The following GMDS variants were observed in gnomAD, a reference collection of about 807,000 sequenced individuals.
The protein encoded by GMDS is GDP-mannose 4,6-dehydratase.
A neutral mutation model predicts 49.9 loss-of-function variants in GMDS; 20 were observed. That is an observed-to-expected ratio of 0.40 (90% CI 0.28 to 0.58). The LOEUF (loss-of-function observed/expected upper bound fraction) is 0.58, where lower values mean the gene tolerates loss of function less well. GMDS is among the 20% of genes least tolerant of loss of function. GMDS has a pLI of 0.42. For missense variants in GMDS, 362 were observed against 481.4 expected (o/e 0.75, Z 2.32); for synonymous variants, 177 against 178.6 (o/e 0.99, Z 0.07).
At chr6:2,130,345 A>G (rs1260538043) in intron 1 of GMDS, among the ~76,000 whole-genome samples, 1 of 152,184 alleles carries the variant, frequency 6.6e-6, no homozygotes, top group Non-Finnish European at 1.5e-5. Context: ...CAAAGAACCA[A>G]CTTTCCCTTC....
At chr6:1,869,079 A>G (rs17134415) in intron 7 of GMDS, among the ~76,000 whole-genome samples, 2,444 of 152,354 alleles carry the variant, frequency 0.016, 69 homozygotes, top group African/African-American at 0.055. Context: ...TATGAGCACC[A>G]TCTTGTCACT....
chr6:2,007,056 C>A (rs1462773649), intron 4 of GMDS, among the ~76,000 whole-genome samples: 1 of 152,118 alleles, frequency 6.6e-6, no homozygotes, highest in Non-Finnish European at 1.5e-5. Context: ...CTTATAAACA[C>A]AATAGAAGAT....
intron 6 of GMDS, among the ~76,000 whole-genome samples, chr6:1,958,787 G>A (rs1763777999): frequency 6.6e-6 from 1 of 152,084 alleles, no homozygotes; most frequent in African/African-American, 2.4e-5. Flanking sequence ...TGGACTTCAC[G>A]TTTATTCTCA....
intron 7 of GMDS, among the ~76,000 whole-genome samples, chr6:1,801,984 T>A (rs1372538845): frequency 6.6e-6 from 1 of 152,234 alleles, no homozygotes; most frequent in Non-Finnish European, 1.5e-5. Flanking sequence ...AAATAGCCAC[T>A]GACCTTAAAA....
intron 4 of GMDS, among the ~76,000 whole-genome samples, chr6:2,035,847 C>G (rs187127082): frequency 1.3e-5 from 2 of 151,928 alleles, no homozygotes; most frequent in African/African-American, 2.4e-5. Context: ...CCACCATGCC[C>G]GGCTAATTTT....
At chr6:1,942,118 C>T (rs1387311254) in intron 6 of GMDS, among the ~76,000 whole-genome samples, 1 of 152,164 alleles carries the variant, frequency 6.6e-6, no homozygotes, top group Non-Finnish European at 1.5e-5. Flanking sequence ...GAGACATTAC[C>T]ATTAACTCTA....
chr6:1,750,299 C>G (rs1046475478), intron 7 of GMDS, among the ~76,000 whole-genome samples: 2 of 152,118 alleles, frequency 1.3e-5, no homozygotes, highest in African/African-American at 4.8e-5. Context: ...TTGAAGATGG[C>G]TGAATAGGAA....
intron 7 of GMDS, among the ~76,000 whole-genome samples, chr6:1,872,161 A>G (rs1409306379): frequency 6.6e-6 from 1 of 152,254 alleles, no homozygotes; most frequent in African/African-American, 2.4e-5. Flanking sequence ...CCCTTGGCAC[A>G]GCCCACAGCA....
intron 9 of GMDS, among the ~76,000 whole-genome samples, chr6:1,676,843 A>C (rs1051125007): frequency 2.6e-5 from 4 of 152,218 alleles, no homozygotes; most frequent in African/African-American, 9.7e-5. Flanking sequence ...AAGAAAACCT[A>C]GGCAATACCA....
intron 7 of GMDS, among the ~76,000 whole-genome samples, chr6:1,866,176 G>A (rs776658422): frequency 1.3e-4 from 20 of 152,180 alleles, no homozygotes; most frequent in Non-Finnish European, 5.9e-5. Context: ...ATTTTTGAGA[G>A]TGCAGTTATT....
At chr6:2,117,003 T>A (rs1774883103) in intron 3 of GMDS, among the ~76,000 whole-genome samples, 1 of 152,192 alleles carries the variant, frequency 6.6e-6, no homozygotes, top group Non-Finnish European at 1.5e-5. Flanking sequence ...CAACTGCAAA[T>A]GCTGACAATG....
At chr6:2,048,435 A>AT (rs1414805568) in intron 4 of GMDS, among the ~76,000 whole-genome samples, 3 of 152,242 alleles carry the variant, frequency 2.0e-5, no homozygotes, top group African/African-American at 7.2e-5. Flanking sequence ...TTTAATTAAT[A>AT]TGACTTAAAA....
chr6:2,157,487 A>T (rs1489912372), intron 1 of GMDS, among the ~76,000 whole-genome samples: 1 of 152,238 alleles, frequency 6.6e-6, no homozygotes, highest in African/African-American at 2.4e-5. Context: ...GACCAAGGAC[A>T]ACTAATCTGC....
intron 7 of GMDS, among the ~76,000 whole-genome samples, chr6:1,828,636 T>A (rs1344043463): frequency 6.6e-6 from 1 of 152,206 alleles, no homozygotes; most frequent in Non-Finnish European, 1.5e-5. Context: ...CAGTGGCTGA[T>A]ATATTCAAAG....
intron 7 of GMDS, among the ~76,000 whole-genome samples, chr6:1,763,146 G>C (rs1487697130): frequency 1.7e-4 from 26 of 152,204 alleles, no homozygotes; most frequent in Admixed American, 1.7e-3. Context: ...GAGGCTGACT[G>C]GTGCTGTGGA....
intron 1 of GMDS, among the ~76,000 whole-genome samples, chr6:2,215,939 C>T (rs190360792): frequency 6.5e-4 from 99 of 152,186 alleles, no homozygotes; most frequent in African/African-American, 2.3e-3. Flanking sequence ...CAGCTGAAAT[C>T]ATATACAGTG....
chr6:1,991,258 C>T (rs1384652752), intron 4 of GMDS, among the ~76,000 whole-genome samples: 1 of 152,052 alleles, frequency 6.6e-6, no homozygotes, highest in Non-Finnish European at 1.5e-5. Flanking sequence ...TCTCCCAGGC[C>T]CCGACTCCCA....
intron 7 of GMDS, among the ~76,000 whole-genome samples, chr6:1,815,138 A>T (rs73409358): frequency 0.017 from 2,660 of 152,134 alleles, 87 homozygotes; most frequent in African/African-American, 0.059. Context: ...CTGGGGCTCC[A>T]CTCTGTGTTC....
intron 8 of GMDS, among the ~76,000 whole-genome samples, chr6:1,738,892 C>T (rs1159319565): frequency 6.6e-6 from 1 of 152,202 alleles, no homozygotes; most frequent in Non-Finnish European, 1.5e-5. Context: ...GGTGGTTTCC[C>T]TCAAGCTGTC....
Sources: allele counts gnomAD v4.1 joint callset (sites outside exome capture counted in the v4.1 genomes callset), GRCh38; gene constraint gnomAD v4.1.1; transcripts MANE v1.5; gene names NCBI Gene and HGNC (gene_info 2026-07-23, HGNC 2026-07-21).